SATL1: variants seen among roughly 807,000 people sequenced by gnomAD.
SATL1 encodes spermidine/spermine N(1)-acetyltransferase-like protein 1.
A neutral mutation model predicts 51.8 loss-of-function variants in SATL1; 47 were observed. The observed-to-expected ratio is 0.91, with a 90% CI of 0.72 to 1.16. The LOEUF (loss-of-function observed/expected upper bound fraction) is 1.16, where lower values mean the gene tolerates loss of function less well. Ranked by LOEUF, SATL1 falls within the 50% of genes most tolerant of loss-of-function variation. The pLI is 0.00. For synonymous variants in SATL1, 176 were observed against 182.4 expected (o/e 0.97, Z 0.28); for missense variants, 520 against 526.4 (o/e 0.99, Z 0.12).
At chrX:85,218,974 T>C (rs1418402587) in intron 2 of SATL1, 3 of 112,346 alleles carry the variant, frequency 2.7e-5, no homozygotes, top group Non-Finnish European at 3.8e-5. Context: ...TAACTAAACA[T>C]AAGCATATCT....
At chrX:85,209,201 G>A (rs1475649606) in intron 2 of SATL1, 1 of 111,445 alleles carries the variant, frequency 9.0e-6, no homozygotes, top group East Asian at 2.8e-4. Flanking sequence ...GATGGTTGTC[G>A]ATGTGTGGTG....
intron 2 of SATL1, among the ~76,000 whole-genome samples, chrX:85,117,078 G>A (rs1032928425): frequency 9.0e-6 from 1 of 111,452 alleles, no homozygotes; most frequent in Non-Finnish European, 1.9e-5. Context: ...CTGCACATGC[G>A]GGCAGCCCAG....
At chrX:85,143,578 A>C (rs1280829574) in intron 2 of SATL1, 1 of 111,788 alleles carries the variant, frequency 8.9e-6, no homozygotes, top group African/African-American at 3.2e-5. Context: ...TTAGAGAGGG[A>C]ATCAATGCTT....
chrX:85,096,549 C>T (rs933456292), intron 4 of SATL1, among the ~76,000 whole-genome samples: 4 of 111,221 alleles, frequency 3.6e-5, no homozygotes, highest in African/African-American at 1.3e-4. Flanking sequence ...ACAAGAAGCT[C>T]AACAAACTCT....
intron 2 of SATL1, among the ~76,000 whole-genome samples, chrX:85,114,493 C>T (rs748612925): frequency 5.8e-4 from 65 of 111,308 alleles, no homozygotes; most frequent in African/African-American, 1.2e-3. Flanking sequence ...TGAGAGCAAC[C>T]GTTAAAGTTC....
At chrX:85,138,671 A>C (rs1926027016) in intron 2 of SATL1, among the ~76,000 whole-genome samples, 1 of 111,792 alleles carries the variant, frequency 8.9e-6, no homozygotes, top group Non-Finnish European at 1.9e-5. Context: ...GGTAACGAAA[A>C]AGTTTGACTG....
chrX:85,185,772 C>T (rs1927301514), intron 2 of SATL1, among the ~76,000 whole-genome samples: 1 of 110,935 alleles, frequency 9.0e-6, no homozygotes, highest in South Asian at 3.8e-4. Context: ...TATCCAGGAG[C>T]CAAGGTCTTG....
intron 2 of SATL1, among the ~76,000 whole-genome samples, chrX:85,157,088 T>C (rs1926617421): frequency 9.2e-6 from 1 of 108,277 alleles, no homozygotes; most frequent in Non-Finnish European, 1.9e-5. Context: ...CACTACAAAA[T>C]CATCTTTTTG....
chrX:85,191,032 C>T (rs914730839), intron 2 of SATL1, among the ~76,000 whole-genome samples: 4 of 107,871 alleles, frequency 3.7e-5, no homozygotes, highest in African/African-American at 1.4e-4. Context: ...GATGAGTTAA[C>T]GGGTGCAGCA....
chrX:85,120,782 A>C (rs1359446156), intron 2 of SATL1, among the ~76,000 whole-genome samples: 1 of 111,697 alleles, frequency 9.0e-6, no homozygotes, highest in African/African-American at 3.2e-5. Context: ...TTCTATTACA[A>C]AAAATATTTA....
intron 2 of SATL1, among the ~76,000 whole-genome samples, chrX:85,134,198 G>T (rs1925891406): frequency 9.0e-6 from 1 of 110,901 alleles, no homozygotes; most frequent in South Asian, 3.8e-4. Context: ...GTGTGTGTGT[G>T]TATAGTGTGT....
chrX:85,165,020 G>A (rs990380572), intron 2 of SATL1, among the ~76,000 whole-genome samples: 4 of 111,123 alleles, frequency 3.6e-5, no homozygotes, highest in Admixed American at 9.6e-5. Context: ...CACTGCACCC[G>A]GCCTGATCTT....
At chrX:85,150,141 C>T (rs1243582413) in intron 2 of SATL1, among the ~76,000 whole-genome samples, 3 of 110,983 alleles carry the variant, frequency 2.7e-5, no homozygotes, top group African/African-American at 6.6e-5. Flanking sequence ...ATATCACCAC[C>T]GATCCCCCAG....
chrX:85,118,087 C>G (rs1428233273), intron 2 of SATL1, among the ~76,000 whole-genome samples: 1 of 46,171 alleles, frequency 2.2e-5, no homozygotes, highest in Admixed American at 3.4e-4. Context: ...AAGAACTTAG[C>G]TTTTTTTTTT....
chrX:85,130,549 T>C (rs1925761886), intron 2 of SATL1, among the ~76,000 whole-genome samples: 1 of 111,772 alleles, frequency 8.9e-6, no homozygotes, highest in South Asian at 3.8e-4. Flanking sequence ...TATTCTTTAT[T>C]AGTCTTGCTA....
intron 2 of SATL1, chrX:85,212,789 T>C (rs893704520): frequency 1.8e-5 from 2 of 111,415 alleles, no homozygotes; most frequent in African/African-American, 6.5e-5. Context: ...GGAACAAGCA[T>C]TTATCAACCA....
chrX:85,169,910 A>T (rs1926936308), intron 2 of SATL1, among the ~76,000 whole-genome samples: 1 of 111,939 alleles, frequency 8.9e-6, no homozygotes, highest in African/African-American at 3.2e-5. Flanking sequence ...AGAAAATGTG[A>T]TACATGTAAA....
chrX:85,107,770 C>A lies in SATL1; in HGVS notation c.1199G>T (p.Gly400Val). Reference sequence around the variant, plus strand: ...TTGGCTTGTGCCTGATTGGCTGGTGCCTACTTGTCTCATGCTTGGTTGGCT... The same window carrying A: ...TTGGCTTGTGCCTGATTGGCTGGTGACTACTTGTCTCATGCTTGGTTGGCT... ...GGSQPSMRQV[G>V]TSQSGTSQIG... Residue 400 changes from glycine (G) to valine (V), a missense_variant, in exon 3 of 8, where the codon GGC becomes GTC. By Grantham distance (109) the Gly-to-Val change is moderately radical (BLOSUM62 -3). Transcript: ENST00000644105. 1 of 1,211,496 alleles carries A rather than the reference C, an allele frequency of 8.3e-7. No individual in the cohort carries two copies. The highest frequency in any genetic ancestry group is 3.0e-5 in the East Asian group (1 of 33,813).
At chrX:85,231,168 C>T (rs1471140418) in intron 1 of SATL1, among the ~76,000 whole-genome samples, 1 of 111,850 alleles carries the variant, frequency 8.9e-6, no homozygotes, top group African/African-American at 3.2e-5. Context: ...TTTATACCCA[C>T]AAATGAACGG....
Sources: allele counts gnomAD v4.1 joint callset (sites outside exome capture counted in the v4.1 genomes callset), GRCh38; gene constraint gnomAD v4.1.1; transcripts MANE v1.5; gene names NCBI Gene and HGNC (gene_info 2026-07-23, HGNC 2026-07-21).